TENM3: variants seen among roughly 807,000 people sequenced by gnomAD.
TENM3 encodes the protein teneurin transmembrane protein 3.
A neutral mutation model predicts 255.1 loss-of-function variants in TENM3; 63 were observed. That is an observed-to-expected ratio of 0.25 (90% CI 0.20 to 0.30). TENM3 has a LOEUF of 0.30. Among genes scored for constraint, TENM3 ranks in the 10% least tolerant of loss-of-function variants. The pLI is 1.00. For missense variants in TENM3, 2,929 were observed against 3,461.1 expected (o/e 0.85, Z 3.86); for synonymous variants, 1,306 against 1,322.3 (o/e 0.99, Z 0.27).
At chr4:182,775,187 A>T (rs1192511291) in intron 24 of TENM3, 34 bp downstream of exon 24, 1 of 1,593,230 alleles carries the variant, frequency 6.3e-7, no homozygotes, top group Admixed American at 1.7e-5. Context: ...AGATAGCTGC[A>T]GCCCTCTGAT....
At chr4:182,613,198 A>C (rs999529404) in intron 4 of TENM3, among the ~76,000 whole-genome samples, 3 of 152,160 alleles carry the variant, frequency 2.0e-5, no homozygotes, top group South Asian at 4.1e-4. Flanking sequence ...ATTTCCATTT[A>C]AATTTTAATA....
intron 3 of TENM3, among the ~76,000 whole-genome samples, chr4:182,386,593 C>T (rs1204221118): frequency 2.0e-5 from 3 of 152,180 alleles, no homozygotes; most frequent in Non-Finnish European, 4.4e-5. Flanking sequence ...GGGCTGCGCG[C>T]AGCGCTTGCG....
chr4:182,256,027 G>A (rs149399972), intron 1 of TENM3, among the ~76,000 whole-genome samples: 3 of 152,220 alleles, frequency 2.0e-5, no homozygotes, highest in Admixed American at 6.5e-5. Context: ...CATTAAGGGC[G>A]TATTGCACAC....
intron 1 of TENM3, among the ~76,000 whole-genome samples, chr4:182,301,674 G>A (rs187076753): frequency 1.2e-4 from 19 of 152,316 alleles, no homozygotes; most frequent in African/African-American, 4.3e-4. Flanking sequence ...GCTTTTTGCA[G>A]ATGACATAGT....
intron 12 of TENM3, among the ~76,000 whole-genome samples, chr4:182,692,448 A>G (rs1205535962): frequency 6.6e-6 from 1 of 152,236 alleles, no homozygotes; most frequent in East Asian, 1.9e-4. Context: ...TTTGTATCCC[A>G]GAGAATTGGA....
At chr4:182,173,484 C>T (rs1186522239) in intron 1 of TENM3, among the ~76,000 whole-genome samples, 1 of 152,062 alleles carries the variant, frequency 6.6e-6, no homozygotes, top group Non-Finnish European at 1.5e-5. Context: ...GTAAAGCTTT[C>T]AATTAGGAAC....
intron 3 of TENM3, among the ~76,000 whole-genome samples, chr4:182,514,204 G>C (rs546585095): frequency 6.6e-6 from 1 of 152,270 alleles, no homozygotes; most frequent in African/African-American, 2.4e-5. Flanking sequence ...ACTAAATGTT[G>C]TGCGCCTAAA....
chr4:181,629,980 G>T, the TENM3 span, among the ~76,000 whole-genome samples: 2 of 152,114 alleles, frequency 1.3e-5, no homozygotes, highest in Non-Finnish European at 2.9e-5. Flanking sequence ...ACTTTTTTTG[G>T]TTGGTAGGCT....
chr4:182,473,340 A>G (rs9998496), intron 3 of TENM3, among the ~76,000 whole-genome samples: 25,408 of 152,158 alleles, frequency 0.17, 2,254 homozygotes, highest in Middle Eastern at 0.27. Context: ...TACACACTTG[A>G]TCCAAAACCA....
intron 1 of TENM3, among the ~76,000 whole-genome samples, chr4:182,198,000 G>T (rs1244116357): frequency 6.6e-6 from 1 of 152,166 alleles, no homozygotes; most frequent in Non-Finnish European, 1.5e-5. Context: ...AGCTACTCAG[G>T]AGGCTGACAC....
At chr4:182,562,438 G>GT (rs1415076790) in intron 3 of TENM3, among the ~76,000 whole-genome samples, 2 of 152,138 alleles carry the variant, frequency 1.3e-5, no homozygotes, top group African/African-American at 4.8e-5. Context: ...AAATAGTTCT[G>GT]TTGTTCCAGC....
At chr4:181,739,385 T>G in the TENM3 span, among the ~76,000 whole-genome samples, 1 of 152,196 alleles carries the variant, frequency 6.6e-6, no homozygotes, top group African/African-American at 2.4e-5. Context: ...AAGAGACCCT[T>G]CGAACTGTTG....
intron 24 of TENM3, 48 bp downstream of exon 24, chr4:182,775,201 T>A (rs1168699786): frequency 6.4e-7 from 1 of 1,554,058 alleles, no homozygotes; most frequent in African/African-American, 1.4e-5. Context: ...CTCTGATCTG[T>A]GCAGATCATC....
the TENM3 span, among the ~76,000 whole-genome samples, chr4:181,551,327 G>A: frequency 6.6e-6 from 1 of 152,220 alleles, no homozygotes; most frequent in East Asian, 1.9e-4. Context: ...ATTAGTGAAG[G>A]TCTTACTTGA....
chr4:182,284,153 G>A (rs1163954525), intron 1 of TENM3, among the ~76,000 whole-genome samples: 1 of 152,156 alleles, frequency 6.6e-6, no homozygotes, highest in Non-Finnish European at 1.5e-5. Flanking sequence ...CTTCAGGTTA[G>A]GGTTTTATTT....
upstream of TENM3, chr4:182,141,779 T>G (rs1469522668): frequency 6.6e-6 from 1 of 152,238 alleles, no homozygotes; most frequent in East Asian, 1.9e-4. Flanking sequence ...TTCTATTGTT[T>G]TCCTACCTTT....
the TENM3 span, among the ~76,000 whole-genome samples, chr4:181,465,399 T>C: frequency 6.6e-6 from 1 of 152,200 alleles, no homozygotes; most frequent in East Asian, 1.9e-4. Context: ...ACCAAACATT[T>C]GATGCCTGGG....
In TENM3 at chr4:182,647,776, A is replaced by G. The variant is rs567867858; in HGVS notation, c.989-5995A>G. Among the ~76,000 whole-genome samples the G allele has an allele frequency of 4.6e-5, 7 of 152,212 alleles. No homozygotes were observed. The South Asian group carries it at 1.5e-3, about 32-fold the overall frequency. ...TTGCTGGATCATATGGTATTTCTAT[A>G]TTTAATTTTTTTGTGGAATCACCAT... On this transcript the variant is annotated intron_variant, in intron 5 of 27. Coordinates refer to ENST00000511685, the MANE Select transcript of TENM3 (RefSeq NM_001080477.4).
chr4:181,880,524 T>A, the TENM3 span, among the ~76,000 whole-genome samples: 1 of 152,238 alleles, frequency 6.6e-6, no homozygotes, highest in Non-Finnish European at 1.5e-5. Context: ...ACTGATATAT[T>A]GTTAAAAAAT....
Sources: allele counts gnomAD v4.1 joint callset (sites outside exome capture counted in the v4.1 genomes callset), GRCh38; gene constraint gnomAD v4.1.1; transcripts MANE v1.5; gene names NCBI Gene and HGNC (gene_info 2026-07-23, HGNC 2026-07-21).